The following PCCA variants were observed in gnomAD, a reference collection of about 807,000 sequenced individuals.
PCCA encodes the protein propionyl-CoA carboxylase alpha chain, mitochondrial.
Under a neutral mutation model 101.3 loss-of-function variants are expected in PCCA, and 74 were observed. The observed-to-expected ratio is 0.73, with a 90% CI of 0.61 to 0.89. The LOEUF (loss-of-function observed/expected upper bound fraction) is 0.89, where lower values mean the gene tolerates loss of function less well. Among genes scored for constraint, PCCA ranks in the 40% least tolerant of loss-of-function variants. The pLI is 0.00. For synonymous variants in PCCA, 294 were observed against 313.6 expected (o/e 0.94, Z 0.66); for missense variants, 891 against 907.0 (o/e 0.98, Z 0.23).
chr13:100,436,843 T>C (rs2079972605), intron 20 of PCCA, among the ~76,000 whole-genome samples: 1 of 152,214 alleles, frequency 6.6e-6, no homozygotes, highest in African/African-American at 2.4e-5. Context: ...TTCTTTTTAG[T>C]TCCTGACCTC....
At chr13:100,243,680 C>T (rs775922477) in intron 8 of PCCA, among the ~76,000 whole-genome samples, 5 of 152,142 alleles carry the variant, frequency 3.3e-5, no homozygotes, top group Non-Finnish European at 4.4e-5. Context: ...TGCCTTTACA[C>T]CAGCCTGTTC....
chr13:100,325,148 A>C (rs1224611330), intron 16 of PCCA, among the ~76,000 whole-genome samples: 1 of 152,188 alleles, frequency 6.6e-6, no homozygotes, highest in Non-Finnish European at 1.5e-5. Flanking sequence ...CTGCAGCTAC[A>C]CCAGCAGGTG....
chr13:100,262,460 A>G (rs553586553), intron 9 of PCCA, among the ~76,000 whole-genome samples: 1 of 152,250 alleles, frequency 6.6e-6, no homozygotes, highest in South Asian at 2.1e-4. Context: ...TGGAAAATCT[A>G]GGATCTGAGA....
intron 10 of PCCA, among the ~76,000 whole-genome samples, chr13:100,267,831 G>T (rs1207177200): frequency 6.6e-6 from 1 of 152,026 alleles, no homozygotes; most frequent in African/African-American, 2.4e-5. Context: ...TAGTACTTGG[G>T]ACATAGCTAG....
intron 21 of PCCA, among the ~76,000 whole-genome samples, chr13:100,453,835 GA>G (rs995661120): frequency 2.4e-5 from 3 of 125,024 alleles, no homozygotes; most frequent in African/African-American, 9.5e-5. Flanking sequence ...GGAAAAAAGG[GA>G]AAAAAAGAAT....
intron 6 of PCCA, among the ~76,000 whole-genome samples, chr13:100,196,158 A>G (rs2058089689): frequency 6.6e-6 from 1 of 152,192 alleles, no homozygotes; most frequent in Non-Finnish European, 1.5e-5. Context: ...ATTGAGATTT[A>G]TAGTTTGTTT....
chr13:100,199,573 G>C (rs2058346011), intron 6 of PCCA, among the ~76,000 whole-genome samples: 1 of 152,256 alleles, frequency 6.6e-6, no homozygotes, highest in African/African-American at 2.4e-5. Context: ...TCAGAGATGG[G>C]ATCAGACTTG....
chr13:100,266,306 T>C (rs1397920759), intron 10 of PCCA, among the ~76,000 whole-genome samples: 1 of 152,222 alleles, frequency 6.6e-6, no homozygotes, highest in African/African-American at 2.4e-5. Flanking sequence ...TGTTATTTTG[T>C]GTTAAATAAT....
chr13:100,496,771 T>C (rs1438854390), intron 21 of PCCA, among the ~76,000 whole-genome samples: 1 of 152,150 alleles, frequency 6.6e-6, no homozygotes, highest in Non-Finnish European at 1.5e-5. Flanking sequence ...ACCTGGTAGC[T>C]CAGGGAAGGC....
chr13:100,190,409 G>A (rs926018734), intron 6 of PCCA, among the ~76,000 whole-genome samples: 31 of 152,202 alleles, frequency 2.0e-4, no homozygotes, highest in Admixed American at 5.9e-4. Context: ...GTGGCTGGGC[G>A]TGGTGGCTCA....
intron 19 of PCCA, among the ~76,000 whole-genome samples, chr13:100,416,512 C>CTGTGTGTGTGTGTG (rs143797850): frequency 6.9e-6 from 1 of 145,404 alleles, no homozygotes; most frequent in Non-Finnish European, 1.5e-5. Flanking sequence ...TTTTAAATAT[C>CTGTGTGTGTGTGTG]TGTGTGTGTG....
chr13:100,132,805 A>G (rs577664399), intron 4 of PCCA, among the ~76,000 whole-genome samples: 8 of 151,486 alleles, frequency 5.3e-5, no homozygotes, highest in South Asian at 2.1e-4. Context: ...ACAGAGTCTC[A>G]CTCTGTCACC....
intron 21 of PCCA, among the ~76,000 whole-genome samples, chr13:100,496,979 GA>G (rs1238485316): frequency 1.3e-5 from 2 of 152,208 alleles, no homozygotes; most frequent in Non-Finnish European, 2.9e-5. Flanking sequence ...AGATGTCACG[GA>G]ATCCCAGTAT....
At chr13:100,179,092 ATAT>A (rs763013023) in intron 6 of PCCA, among the ~76,000 whole-genome samples, 33,064 of 109,272 alleles carry the variant, frequency 0.3, 4,484 homozygotes, top group Middle Eastern at 0.42. Flanking sequence ...AAAAAAAAAA[ATAT>A]ATATATATAT....
At chr13:100,337,077 G>A (rs970984694) in intron 17 of PCCA, among the ~76,000 whole-genome samples, 4 of 152,142 alleles carry the variant, frequency 2.6e-5, no homozygotes, top group African/African-American at 7.2e-5. Context: ...GTTCACACTC[G>A]CTAAAAGGGG....
chr13:100,491,908 A>C, intron 21 of PCCA: 1 of 362,118 alleles, frequency 2.8e-6, no homozygotes, highest in Non-Finnish European at 4.4e-6. Flanking sequence ...CTGAAAGATC[A>C]AGTGGAAGCA....
intron 21 of PCCA, among the ~76,000 whole-genome samples, chr13:100,512,011 C>T (rs1191206420): frequency 1.3e-5 from 2 of 152,136 alleles, no homozygotes; most frequent in East Asian, 1.9e-4. Context: ...CATACATGCC[C>T]AGTTGCAGGA....
chr13:100,510,876 C>T (rs372214215), intron 21 of PCCA, among the ~76,000 whole-genome samples: 3 of 152,222 alleles, frequency 2.0e-5, no homozygotes, highest in East Asian at 1.9e-4. Context: ...GGCTGTGGTT[C>T]GCCCTGCGCC....
At position 100,209,581 on chromosome 13, in the gene PCCA, C is replaced by CA; in HGVS notation, c.600+119dup. 5.4e-6 allele frequency: 4 copies of CA among 740,544 alleles called. No individual in the cohort carries two copies. The Admixed American group carries it at 5.9e-5, about 11-fold the overall frequency. The allele number at this position is 740,544 out of a possible 1,614,324, so 45.9% of individuals were successfully genotyped here. On this transcript the variant is annotated intron_variant, in intron 7 of 23. Transcript: ENST00000376285. ...ATATACACACACACACACACATATG[C>CA]ACGCACATACATACATGTATATATG... is the stretch of plus-strand genomic sequence containing the variant.
Sources: allele counts gnomAD v4.1 joint callset (sites outside exome capture counted in the v4.1 genomes callset), GRCh38; gene constraint gnomAD v4.1.1; transcripts MANE v1.5; gene names NCBI Gene and HGNC (gene_info 2026-07-23, HGNC 2026-07-21).